The following TSPAN18 variants were observed in gnomAD, a reference collection of about 807,000 sequenced individuals.
TSPAN18 encodes the protein tetraspanin 18, also known as tetraspanin-18.
Under a neutral mutation model 27.3 loss-of-function variants are expected in TSPAN18, and 14 were observed. The ratio of observed to expected loss-of-function variants is 0.51; its 90% CI spans 0.34 to 0.80. The LOEUF is 0.80. Ranked by LOEUF, TSPAN18 falls within the 30% of genes least tolerant of loss-of-function variation. The pLI, the probability that TSPAN18 is intolerant of heterozygous loss-of-function variation, is 0.01. For synonymous variants in TSPAN18, 143 were observed against 136.5 expected (o/e 1.05, Z -0.33); for missense variants, 268 against 323.9 (o/e 0.83, Z 1.32).
intron 3 of TSPAN18, among the ~76,000 whole-genome samples, chr11:44,883,720 C>T (rs1858557989): frequency 6.6e-6 from 1 of 152,210 alleles, no homozygotes; most frequent in Non-Finnish European, 1.5e-5. Flanking sequence ...GCTCTTTCTA[C>T]TGGGGTTTCT....
intron 3 of TSPAN18, among the ~76,000 whole-genome samples, chr11:44,875,986 CTG>C: frequency 6.6e-6 from 1 of 152,310 alleles, no homozygotes; most frequent in South Asian, 2.1e-4. Context: ...GTGGTGGGCC[CTG>C]TGGGAGCCAG....
At chr11:44,880,748 A>C (rs1858467554) in intron 3 of TSPAN18, among the ~76,000 whole-genome samples, 1 of 152,238 alleles carries the variant, frequency 6.6e-6, no homozygotes, top group South Asian at 2.1e-4. Flanking sequence ...TGTATAATGA[A>C]GTGGTTGGAC....
At chr11:44,818,430 C>T (rs1049011986) in intron 2 of TSPAN18, among the ~76,000 whole-genome samples, 5 of 152,230 alleles carry the variant, frequency 3.3e-5, no homozygotes, top group Admixed American at 2.0e-4. Flanking sequence ...CCCAGCTGTC[C>T]AGAGAGCATC....
chr11:44,760,309 G>A (rs1565136927), intron 1 of TSPAN18, among the ~76,000 whole-genome samples: 1 of 152,168 alleles, frequency 6.6e-6, no homozygotes, highest in Non-Finnish European at 1.5e-5. Context: ...GGAGCCGTGT[G>A]CAGCAAGCAG....
At chr11:44,881,260 T>G (rs1412306045) in intron 3 of TSPAN18, among the ~76,000 whole-genome samples, 1 of 152,174 alleles carries the variant, frequency 6.6e-6, no homozygotes, top group Non-Finnish European at 1.5e-5. Context: ...GTTGTTTTCC[T>G]GGAACTAGGT....
chr11:44,891,151 A>G (rs539667977), intron 3 of TSPAN18, among the ~76,000 whole-genome samples: 14 of 152,218 alleles, frequency 9.2e-5, no homozygotes, highest in Non-Finnish European at 1.8e-4. Flanking sequence ...AACCTGGGCA[A>G]CAGGGCGAGA....
chr11:44,860,278 G>C (rs1857843142), intron 2 of TSPAN18, 50 bp from the exon 3 acceptor site: 1 of 152,168 alleles, frequency 6.6e-6, no homozygotes, highest in African/African-American at 2.4e-5. Flanking sequence ...AGAAAGAAGA[G>C]ACCGCAGCTC....
chr11:44,808,480 C>A (rs570918510), intron 2 of TSPAN18, among the ~76,000 whole-genome samples: 2 of 152,254 alleles, frequency 1.3e-5, no homozygotes, highest in South Asian at 4.2e-4. Context: ...TGCTCATTTC[C>A]CCTGTGTTTC....
At chr11:44,818,777 T>C (rs1288479103) in intron 2 of TSPAN18, among the ~76,000 whole-genome samples, 1 of 152,178 alleles carries the variant, frequency 6.6e-6, no homozygotes, top group Non-Finnish European at 1.5e-5. Flanking sequence ...GAAAGAATAA[T>C]ATATGATATA....
intron 1 of TSPAN18, among the ~76,000 whole-genome samples, chr11:44,734,815 G>C (rs1854749848): frequency 2.0e-5 from 3 of 152,170 alleles, no homozygotes; most frequent in African/African-American, 7.2e-5. Context: ...CTCCTTCTGG[G>C]GGGACAGATT....
chr11:44,773,468 GT>G (rs780071081), intron 2 of TSPAN18, among the ~76,000 whole-genome samples: 1 of 152,040 alleles, frequency 6.6e-6, no homozygotes, highest in Non-Finnish European at 1.5e-5. Context: ...TGCAGCAATT[GT>G]TTAGAACTTA....
chr11:44,895,149 A>C (rs1386430198), intron 3 of TSPAN18, among the ~76,000 whole-genome samples: 1 of 152,104 alleles, frequency 6.6e-6, no homozygotes, highest in East Asian at 1.9e-4. Flanking sequence ...GTTACCACAA[A>C]ATTGTGGCAA....
intron 3 of TSPAN18, among the ~76,000 whole-genome samples, chr11:44,894,635 G>A (rs990911312): frequency 1.3e-5 from 2 of 152,242 alleles, no homozygotes; most frequent in African/African-American, 2.4e-5. Flanking sequence ...GGGGTCCGCC[G>A]AGGAAAGCCC....
intron 2 of TSPAN18, among the ~76,000 whole-genome samples, chr11:44,853,681 C>A (rs941770160): frequency 6.6e-6 from 1 of 152,190 alleles, no homozygotes; most frequent in Non-Finnish European, 1.5e-5. Flanking sequence ...TGCTGGTAAC[C>A]CCCGCCCCAT....
At chr11:44,787,647 A>G (rs905875588) in intron 2 of TSPAN18, among the ~76,000 whole-genome samples, 6 of 151,884 alleles carry the variant, frequency 4.0e-5, no homozygotes, top group African/African-American at 1.5e-4. Flanking sequence ...ACGAGGGTTA[A>G]AGAGAGACTG....
intron 1 of TSPAN18, among the ~76,000 whole-genome samples, chr11:44,746,572 C>G (rs1254513740): frequency 6.6e-6 from 1 of 152,002 alleles, no homozygotes; most frequent in Non-Finnish European, 1.5e-5. Context: ...TGGACAACAT[C>G]GGGGGCCCTC....
chr11:44,841,912 A>G (rs1032386490), intron 2 of TSPAN18, among the ~76,000 whole-genome samples: 4 of 152,222 alleles, frequency 2.6e-5, no homozygotes, highest in African/African-American at 9.6e-5. Context: ...ACAGGAAGGG[A>G]CATGCTATGA....
intron 1 of TSPAN18, among the ~76,000 whole-genome samples, chr11:44,757,400 T>C (rs951570188): frequency 2.6e-5 from 4 of 152,272 alleles, no homozygotes; most frequent in South Asian, 2.1e-4. Flanking sequence ...ATTTATTTAT[T>C]TGAGACAGGG....
rs1590671474 is a variant in TSPAN18 at position 44,908,831 on chromosome 11, A to AAAGAAAGAAAGAAAGAG, written c.64-873_64-872insAGAAAGAAAGAAAGAGA. ...AGAAAGAAAGAAAGAAAGAAAGAAAAAGAAAAATGGAGCAGATATTTATTG... is the reference window on the plus strand; with the variant it reads ...AGAAAGAAAGAAAGAAAGAAAGAAAAAAGAAAGAAAGAAAGAGAGAAAAATGGAGCAGATATTTATTG... On this transcript the variant is annotated intron_variant, in intron 4 of 9. Transcript: ENST00000520358. 1.4e-4 allele frequency among the ~76,000 whole-genome samples: 13 copies of AAAGAAAGAAAGAAAGAG among 96,160 alleles called. 1 individual carries two copies. The highest frequency in any genetic ancestry group is 4.6e-4 in the African/African-American group (11 of 23,720). The allele number at this position is 96,160 out of a possible 152,430, so 63.1% of individuals were successfully genotyped here.
Sources: allele counts gnomAD v4.1 joint callset (sites outside exome capture counted in the v4.1 genomes callset), GRCh38; gene constraint gnomAD v4.1.1; transcripts MANE v1.5; gene names NCBI Gene and HGNC (gene_info 2026-07-23, HGNC 2026-07-21).